PTPRE: variants seen among roughly 807,000 people sequenced by gnomAD.
PTPRE encodes receptor-type tyrosine-protein phosphatase epsilon.
In PTPRE, 51 loss-of-function variants were observed where a neutral mutation model predicts 102.0. The observed-to-expected ratio is 0.50, with a 90% confidence interval of 0.40 to 0.63. The LOEUF is 0.63. Among genes scored for constraint, PTPRE ranks in the 30% least tolerant of loss-of-function variants. The probability of loss-of-function intolerance (pLI) is 0.00; values close to 1 mark genes in which losing one functional copy is unlikely to be tolerated. For missense variants in PTPRE, 752 were observed against 915.1 expected (o/e 0.82, Z 2.30); for synonymous variants, 345 against 348.2 (o/e 0.99, Z 0.10).
At chr10:127,970,830 G>A (rs190777535) in intron 1 of PTPRE, among the ~76,000 whole-genome samples, 20 of 151,352 alleles carry the variant, frequency 1.3e-4, no homozygotes, top group Non-Finnish European at 2.9e-4. Context: ...ATTCCTATTC[G>A]TATCATAGGA....
At chr10:128,029,954 C>T (rs1358237019) in intron 2 of PTPRE, among the ~76,000 whole-genome samples, 1 of 152,236 alleles carries the variant, frequency 6.6e-6, no homozygotes, top group Non-Finnish European at 1.5e-5. Flanking sequence ...GGACAGGACA[C>T]TTATCTCCAT....
intron 2 of PTPRE, among the ~76,000 whole-genome samples, chr10:128,010,498 T>C (rs1393357714): frequency 6.6e-6 from 1 of 151,934 alleles, no homozygotes; most frequent in Non-Finnish European, 1.5e-5. Context: ...TCCTACTTCC[T>C]TCTCCTCTCA....
At chr10:128,010,650 G>A (rs1309317018) in intron 2 of PTPRE, among the ~76,000 whole-genome samples, 1 of 150,538 alleles carries the variant, frequency 6.6e-6, no homozygotes, top group Non-Finnish European at 1.5e-5. Flanking sequence ...TGAGGGCAGT[G>A]GCGCGATCTT....
chr10:127,964,865 G>A (rs904487454), intron 1 of PTPRE: 3 of 370,366 alleles, frequency 8.1e-6, no homozygotes, highest in African/African-American at 2.1e-5. Flanking sequence ...GTCAGAAGCC[G>A]AGCTCATCAG....
intron 12 of PTPRE, 65 bp from the exon 13 acceptor site, chr10:128,069,627 G>A (rs892337848): frequency 1.3e-6 from 2 of 1,597,446 alleles, no homozygotes; most frequent in Non-Finnish European, 1.7e-6. Context: ...AGGCCCCTTC[G>A]GGGCCTTTCA....
chr10:128,050,488 G>A (rs989349462), intron 6 of PTPRE, among the ~76,000 whole-genome samples: 2 of 152,156 alleles, frequency 1.3e-5, no homozygotes, highest in African/African-American at 4.8e-5. Context: ...TGGATGGATG[G>A]ATGGGCAGAT....
chr10:127,982,164 A>T, intron 1 of PTPRE, 110 bp from the exon 2 acceptor site: 2 of 582,746 alleles, frequency 3.4e-6, no homozygotes, highest in Non-Finnish European at 5.2e-6. Context: ...CTGAACAATT[A>T]AGCAAAAATG....
rs111422549 is a variant in PTPRE at position 127,987,268 on chromosome 10, G to A, written c.-8+4972G>A. The A allele has an allele frequency of 3.5e-4, 389 of 1,125,764 alleles. 2 individuals carry two copies. Among genetic ancestry groups the A allele is most frequent in the African/African-American group, 2.6e-3 (160 of 61,346 alleles). The allele number at this position is 1,125,764 out of a possible 1,614,324, so 69.7% of individuals were successfully genotyped here. A position where few individuals can be genotyped will look rare whatever the true frequency, so the allele number is the denominator to read the frequency against. On this transcript the variant is annotated intron_variant, in intron 2 of 20. Coordinates refer to ENST00000254667, the MANE Select transcript of PTPRE (RefSeq NM_006504.6). ...GATTTCCTATATAAACTCATGTCTC[G>A]TCACCGTGTTCACAGCAGACCCAGT...
chr10:128,015,919 G>A (rs1029527994), intron 2 of PTPRE, among the ~76,000 whole-genome samples: 2 of 152,220 alleles, frequency 1.3e-5, no homozygotes, highest in Non-Finnish European at 2.9e-5. Flanking sequence ...CCATGAGAAA[G>A]CGGATGGGCC....
In PTPRE at chr10:128,070,697, A is replaced by G. The variant is rs1238381687; in HGVS notation, c.1294-111A>G. On this transcript the variant is annotated intron_variant, in intron 14 of 20. Transcript: ENST00000254667. The surrounding 1 kb of genome is among the most constrained non-coding windows in gnomAD (Gnocchi z 4.8). Reference sequence around the variant, plus strand: ...GCTAAGGAGGCTTCCTGGGTTGGAGAGTGGTTTCCTTTGAGCAGGCGTCCT... The same window carrying G: ...GCTAAGGAGGCTTCCTGGGTTGGAGGGTGGTTTCCTTTGAGCAGGCGTCCT... 3.9e-6 allele frequency: 5 copies of G among 1,265,962 alleles called. No homozygotes were observed. The Admixed American group carries it at 8.4e-5, about 21-fold the overall frequency. 78.4% of individuals were successfully genotyped at this position (1,265,962 alleles called of 1,614,324 possible). A position where few individuals can be genotyped will look rare whatever the true frequency, so the allele number is the denominator to read the frequency against.
At chr10:127,921,957 G>A (rs1030499816) in intron 1 of PTPRE, among the ~76,000 whole-genome samples, 8 of 152,210 alleles carry the variant, frequency 5.3e-5, no homozygotes, top group African/African-American at 1.9e-4. Context: ...TGCTGGGCAG[G>A]AACTTTGCTC....
At chr10:127,994,783 G>A (rs750465239) in intron 2 of PTPRE, among the ~76,000 whole-genome samples, 10 of 152,130 alleles carry the variant, frequency 6.6e-5, no homozygotes, top group Middle Eastern at 3.2e-3. Flanking sequence ...ACTCCCTGCT[G>A]GAACGTAAGG....
intron 2 of PTPRE, among the ~76,000 whole-genome samples, chr10:128,031,032 G>T (rs1846710819): frequency 6.6e-6 from 1 of 152,182 alleles, no homozygotes; most frequent in Non-Finnish European, 1.5e-5. Context: ...GTGGGAGGAG[G>T]GGCCAAGGGC....
At chr10:127,992,842 G>T (rs1458319117) in intron 2 of PTPRE, among the ~76,000 whole-genome samples, 3 of 152,206 alleles carry the variant, frequency 2.0e-5, no homozygotes, top group Admixed American at 6.5e-5. Flanking sequence ...AGAAAGCCAG[G>T]TGCGTGCCCA....
intron 7 of PTPRE, among the ~76,000 whole-genome samples, chr10:128,058,282 A>G (rs1849186516): frequency 6.6e-6 from 1 of 152,126 alleles, no homozygotes; most frequent in Non-Finnish European, 1.5e-5. Context: ...CACCCACTGC[A>G]AGTCTTCTCT....
chr10:127,919,097 G>A (rs766918068), intron 1 of PTPRE, among the ~76,000 whole-genome samples: 1 of 152,120 alleles, frequency 6.6e-6, no homozygotes, highest in Non-Finnish European at 1.5e-5. Context: ...TCTGTGCTGG[G>A]CAGTGCCTAG....
chr10:127,936,199 G>A (rs902687791), intron 1 of PTPRE: 1 of 152,152 alleles, frequency 6.6e-6, no homozygotes, highest in Non-Finnish European at 1.5e-5. Flanking sequence ...TGTAAAGGGG[G>A]ACAGTGCCAT....
chr10:128,073,727 T>C (rs1248127782), intron 17 of PTPRE, among the ~76,000 whole-genome samples: 1 of 152,214 alleles, frequency 6.6e-6, no homozygotes, highest in Non-Finnish European at 1.5e-5. Flanking sequence ...TGCCCTGAAA[T>C]TCTGCCATTT....
chr10:128,056,247 G>T (rs752655517), intron 7 of PTPRE, 34 bp downstream of exon 7: 2 of 1,550,336 alleles, frequency 1.3e-6, no homozygotes, highest in Non-Finnish European at 1.8e-6. Context: ...CATGATCAAT[G>T]GTGTTTGCAC....
Sources: gnomAD v4.1 joint callset for allele counts (sites outside exome capture counted in the v4.1 genomes callset) on GRCh38, gnomAD v4.1.1 for gene constraint, Gnocchi (gnomAD v3.1) non-coding constraint, MANE v1.5 for transcripts, NCBI Gene and HGNC (gene_info 2026-07-23, HGNC 2026-07-21) for gene names.